The following SKIL variants were observed in gnomAD, a reference collection of about 807,000 sequenced individuals.
The protein encoded by SKIL is ski-like protein.
Under a neutral mutation model 69.6 loss-of-function variants are expected in SKIL, and 20 were observed. The observed-to-expected ratio is 0.29, with a 90% CI of 0.20 to 0.42. SKIL has a LOEUF of 0.42. Among genes scored for constraint, SKIL ranks in the 10% least tolerant of loss-of-function variants. SKIL has a pLI of 1.00. For synonymous variants in SKIL, 310 were observed against 279.9 expected (o/e 1.11, Z -1.08); for missense variants, 745 against 783.1 (o/e 0.95, Z 0.58).
chr3:170,382,991 A>G (rs924635386), intron 3 of SKIL, among the ~76,000 whole-genome samples: 1 of 152,150 alleles, frequency 6.6e-6, no homozygotes, highest in African/African-American at 2.4e-5. Flanking sequence ...AAGTGCTGGG[A>G]TTACAGGTAT....
intron 2 of SKIL, among the ~76,000 whole-genome samples, chr3:170,377,444 T>G (rs529137500): frequency 1.3e-5 from 2 of 150,042 alleles, no homozygotes; most frequent in East Asian, 3.9e-4. Context: ...TGTAGAGACC[T>G]TCACTGAATA....
Position 170,378,553 on chromosome 3 carries a change from C to CTTTTTTTTTTTTTT in SKIL, c.1099-2689_1099-2676dup, listed in dbSNP as rs373084445. 1.7e-5 allele frequency among the ~76,000 whole-genome samples: 2 copies of CTTTTTTTTTTTTTT among 118,996 alleles called. 1 individual carries two copies. The allele number at this position is 118,996 out of a possible 152,430, so 78.1% of individuals were successfully genotyped here. ...TGGGAATTGGACTCTCTCTCTCTCTCTTTTTTTTTTTTTTTGGAGACAAAG... is the reference window on the plus strand; with the variant it reads ...TGGGAATTGGACTCTCTCTCTCTCTCTTTTTTTTTTTTTTTTTTTTTTTTTTTTTGGAGACAAAG... On this transcript the variant is annotated intron_variant, in intron 2 of 6. Transcript: ENST00000259119.
chr3:170,389,022 A>C (rs1050944180), intron 4 of SKIL, among the ~76,000 whole-genome samples: 1 of 151,920 alleles, frequency 6.6e-6, no homozygotes, highest in Non-Finnish European at 1.5e-5. Context: ...GGTGCGCGCC[A>C]CCATGCCTGG....
intron 3 of SKIL, among the ~76,000 whole-genome samples, chr3:170,382,556 G>A (rs142891194): frequency 4.0e-5 from 6 of 150,954 alleles, no homozygotes; most frequent in Admixed American, 2.0e-4. Context: ...GAGCCTGAGC[G>A]CCAGCTGTCA....
At chr3:170,388,834 C>A (rs1007004852) in intron 4 of SKIL, among the ~76,000 whole-genome samples, 1 of 151,328 alleles carries the variant, frequency 6.6e-6, no homozygotes, top group African/African-American at 2.4e-5. Flanking sequence ...ATTGCCTAAT[C>A]CCAATTCCAA....
At position 170,390,245 on chromosome 3, in the gene SKIL, T is replaced by C. The variant is rs1262259713; in HGVS notation, c.1452T>C (p.Ser484=). ...SRLDASISNN[S]TSKRKSESAT... is the part of the protein sequence containing the mutation. ...AAGATGCATCAATCTCAAATAATTCTACAAGTAAAAGGAAATCTGAGTCTG... is the reference window on the plus strand; with the variant it reads ...AAGATGCATCAATCTCAAATAATTCCACAAGTAAAAGGAAATCTGAGTCTG... The change falls in exon 5 of 7, where the codon TCT becomes TCC. Residue 484 remains serine, a synonymous_variant. Coordinates refer to ENST00000259119, the MANE Select transcript of SKIL (RefSeq NM_005414.5). 1 of 1,612,046 alleles carries C rather than the reference T, an allele frequency of 6.2e-7. No homozygotes were observed. Among genetic ancestry groups the C allele is most frequent in the Admixed American group, 1.7e-5 (1 of 59,992 alleles).
At chr3:170,382,405 C>CA in intron 3 of SKIL, among the ~76,000 whole-genome samples, 1 of 137,774 alleles carries the variant, frequency 7.3e-6, no homozygotes, top group Non-Finnish European at 1.5e-5. Flanking sequence ...ATTTGGTGTG[C>CA]AACTTTGATT....
intron 2 of SKIL, among the ~76,000 whole-genome samples, chr3:170,373,574 G>A (rs1429847324): frequency 1.3e-5 from 2 of 152,144 alleles, no homozygotes; most frequent in Non-Finnish European, 2.9e-5. Flanking sequence ...GGTTTCTTTA[G>A]TTCATTAATG....
intron 4 of SKIL, among the ~76,000 whole-genome samples, chr3:170,388,457 C>CTT (rs199989339): frequency 6.7e-6 from 1 of 149,022 alleles, no homozygotes; most frequent in Admixed American, 6.7e-5. Context: ...TGTTAGTGTT[C>CTT]TTTTTTTTTT....
intron 4 of SKIL, among the ~76,000 whole-genome samples, chr3:170,386,792 A>C (rs1372174952): frequency 6.6e-6 from 1 of 152,134 alleles, no homozygotes; most frequent in Non-Finnish European, 1.5e-5. Flanking sequence ...TTTAAAACTC[A>C]GTTTTCTTCA....
intron 3 of SKIL, among the ~76,000 whole-genome samples, chr3:170,384,048 A>G (rs982658487): frequency 2.0e-5 from 3 of 151,948 alleles, no homozygotes; most frequent in African/African-American, 4.8e-5. Context: ...AAAAAAAAAA[A>G]AAAACACGAA....
At position 170,360,387 on chromosome 3, in the gene SKIL, A is replaced by T. The variant is rs774415746; in HGVS notation, c.56A>T (p.Asn19Ile). 6.2e-7 allele frequency: 1 copy of T among 1,603,544 alleles called. No individual in the cohort carries two copies. Among genetic ancestry groups the T allele is most frequent in the African/African-American group, 1.3e-5 (1 of 74,554 alleles). Residue 19 changes from asparagine (N) to isoleucine (I), a missense_variant, in exon 2 of 7, where the codon AAT (asparagine) becomes ATT (isoleucine). Asn to Ile is a moderately radical substitution (Grantham distance 149). Coordinates refer to ENST00000259119, the MANE Select transcript of SKIL (RefSeq NM_005414.5). ...SLVQGSTKKL[N>I]GMGDDGSPPA... Reference sequence around the variant, plus strand: ...GTTCAGGGCTCAACTAAAAAACTGAATGGGATGGGAGATGATGGCAGCCCC... The same window carrying T: ...GTTCAGGGCTCAACTAAAAAACTGATTGGGATGGGAGATGATGGCAGCCCC...
intron 2 of SKIL, among the ~76,000 whole-genome samples, chr3:170,376,042 C>CTTTT (rs869036195): frequency 1.5e-4 from 13 of 89,126 alleles, no homozygotes; most frequent in Non-Finnish European, 1.7e-4. Flanking sequence ...GCTGATTTTC[C>CTTTT]TTTTTTTTTT....
rs967212444 is a variant in SKIL, at chr3:170,393,245, A to G, written c.*828A>G. ...ATACCACTGTTGTGTATCAGTTTCT[A>G]TACAATCCATAATCCTCCTGTACAG... On this transcript the variant is annotated 3_prime_UTR_variant, in exon 7 of 7. Coordinates refer to ENST00000259119, the MANE Select transcript of SKIL (RefSeq NM_005414.5). The G allele has an allele frequency of 3.9e-5, 6 of 152,282 alleles. No homozygotes were observed. The highest frequency in any genetic ancestry group is 3.9e-4 in the Admixed American group (6 of 15,294). The allele number at this position is 152,282 out of a possible 1,614,324, so 9.4% of individuals were successfully genotyped here.
Position 170,361,017 on chromosome 3 carries a change from T to G in SKIL, c.686T>G (p.Leu229Ter). ...ATTACATTAACTGATGCACAAAGAT[T>G]ATGTAATGCTTTATTGCGGCCACGA... ...GLITLTDAQR[L>*]CNALLRPRTF... is the part of the protein sequence containing the mutation. Residue 229 changes from leucine to a stop codon, truncating the protein, a stop_gained, in exon 2 of 7, where the codon TTA becomes TGA. Transcript: ENST00000259119. LOFTEE classifies it high-confidence loss of function. 1 of 1,614,216 alleles carries G rather than the reference T, an allele frequency of 6.2e-7. No individual in the cohort carries two copies. The highest frequency in any genetic ancestry group is 8.5e-7 in the Non-Finnish European group (1 of 1,180,026).
In SKIL at chr3:170,390,425, A is replaced by G. The variant is rs1238926819; in HGVS notation, c.1632A>G (p.Lys544=). The G allele has an allele frequency of 6.2e-7, 1 of 1,612,672 alleles. No homozygotes were observed. Among genetic ancestry groups the G allele is most frequent in the East Asian group, 2.2e-5 (1 of 44,882 alleles). The change falls in exon 5 of 7, where the codon AAA becomes AAG. Residue 544 remains lysine (K), a synonymous_variant. Transcript: ENST00000259119. ...VMRTYLKQQE[K]LNLILQKKQQ... ...GAACTTATTTAAAACAACAGGAAAA[A>G]CTAAACTTGATTTTGCAAAAGAAGC...
chr3:170,390,461 G>C lies in SKIL; in HGVS notation c.1668G>C (p.Gln556His), dbSNP rs748937979. Reference sequence around the variant, plus strand: ...TTTTGCAAAAGAAGCAACAACTTCAGATGGTAAAATTGTTATCTAAATGAT... The same window carrying C: ...TTTTGCAAAAGAAGCAACAACTTCACATGGTAAAATTGTTATCTAAATGAT... ...NLILQKKQQL[Q>H]MEVKMLSSSK... Residue 556 changes from glutamine to histidine, a missense_variant, in exon 5 of 7, where the codon CAG becomes CAC. Gln to His is a conservative substitution (Grantham distance 24). Transcript: ENST00000259119. The C allele has an allele frequency of 1.2e-6, 2 of 1,607,816 alleles. No homozygotes were observed. The highest frequency in any genetic ancestry group is 1.1e-5 in the South Asian group (1 of 90,882).
At chr3:170,384,505 G>A (rs1737518483) in intron 3 of SKIL, 28 bp from the exon 4 acceptor site, 4 of 1,032,650 alleles carry the variant, frequency 3.9e-6, no homozygotes, top group Non-Finnish European at 4.4e-6. Context: ...TGTAATATAT[G>A]TCTTGTTTTG....
At chr3:170,381,754 C>G (rs1456974543) in intron 3 of SKIL, among the ~76,000 whole-genome samples, 1 of 151,590 alleles carries the variant, frequency 6.6e-6, no homozygotes, top group Non-Finnish European at 1.5e-5. Context: ...TCTTTATTTT[C>G]AGGCTTTCTT....
Sources: gnomAD v4.1 joint callset for allele counts (sites outside exome capture counted in the v4.1 genomes callset) on GRCh38, gnomAD v4.1.1 for gene constraint, MANE v1.5 for transcripts, NCBI Gene and HGNC (gene_info 2026-07-23, HGNC 2026-07-21) for gene names.